ADAMTSL3: variants seen among roughly 807,000 people sequenced by gnomAD.
ADAMTSL3 encodes the protein ADAMTS like 3.
ADAMTSL3 carries 128 observed loss-of-function variants against 201.7 expected under a neutral mutation model. The observed-to-expected ratio is 0.63, with a 90% CI of 0.55 to 0.73. The LOEUF is 0.73. Ranked by LOEUF, ADAMTSL3 falls within the 30% of genes least tolerant of loss-of-function variation. The probability of loss-of-function intolerance (pLI) is 0.00; values close to 1 mark genes in which losing one functional copy is unlikely to be tolerated. For synonymous variants in ADAMTSL3, 738 were observed against 748.4 expected, an observed-to-expected ratio of 0.99 and a Z score of 0.23; for missense variants, 1,990 against 2,119.6, an observed-to-expected ratio of 0.94 and a Z score of 1.20.
chr15:84,015,604 T>A (rs140644859), intron 24 of ADAMTSL3, among the ~76,000 whole-genome samples: 1 of 152,340 alleles, frequency 6.6e-6, no homozygotes, highest in African/African-American at 2.4e-5. Flanking sequence ...TTTGGTGCTC[T>A]CCCTGCTACC....
intron 2 of ADAMTSL3, chr15:83,694,216 TCA>T (rs1322550389): frequency 1.3e-5 from 2 of 152,214 alleles, no homozygotes; most frequent in African/African-American, 2.4e-5. Flanking sequence ...CTGGTAGCTC[TCA>T]CAAACAGCAC....
intron 15 of ADAMTSL3, among the ~76,000 whole-genome samples, chr15:83,900,340 C>A (rs573954074): frequency 8.5e-4 from 129 of 152,124 alleles, no homozygotes; most frequent in Admixed American, 1.4e-3. Context: ...TTTGATGGAT[C>A]TGGATTGTAA....
chr15:83,680,641 A>T (rs2061465932), intron 2 of ADAMTSL3, among the ~76,000 whole-genome samples: 1 of 150,976 alleles, frequency 6.6e-6, no homozygotes, highest in African/African-American at 2.4e-5. Context: ...TGTACTGTTT[A>T]ATCATCTTTT....
chr15:83,907,305 A>G (rs2065857204), intron 15 of ADAMTSL3, among the ~76,000 whole-genome samples: 1 of 152,138 alleles, frequency 6.6e-6, no homozygotes, highest in Admixed American at 6.6e-5. Flanking sequence ...AACACACTCA[A>G]ACCTATATAA....
intron 4 of ADAMTSL3, among the ~76,000 whole-genome samples, chr15:83,793,716 A>G (rs905924449): frequency 3.0e-4 from 46 of 152,052 alleles, no homozygotes; most frequent in Admixed American, 2.8e-3. Flanking sequence ...ACCTCAAGTG[A>G]TCTGCCTGCC....
chr15:83,716,421 G>A (rs2062019541), intron 3 of ADAMTSL3, among the ~76,000 whole-genome samples: 1 of 151,312 alleles, frequency 6.6e-6, no homozygotes, highest in African/African-American at 2.4e-5. Flanking sequence ...GGAGGTTGAG[G>A]TAGAATTGCT....
At chr15:83,907,386 A>G (rs1316636743) in intron 15 of ADAMTSL3, among the ~76,000 whole-genome samples, 3 of 152,032 alleles carry the variant, frequency 2.0e-5, no homozygotes, top group Non-Finnish European at 2.9e-5. Flanking sequence ...ATAAATTGGC[A>G]TTGTTTTGTT....
intron 2 of ADAMTSL3, among the ~76,000 whole-genome samples, chr15:83,676,347 A>G (rs2061404858): frequency 6.6e-6 from 1 of 151,968 alleles, no homozygotes. Context: ...TATGTTCTCA[A>G]TGTTTGTGTC....
At chr15:83,795,636 T>C (rs1287919608) in intron 4 of ADAMTSL3, among the ~76,000 whole-genome samples, 1 of 152,170 alleles carries the variant, frequency 6.6e-6, no homozygotes, top group East Asian at 1.9e-4. Flanking sequence ...AAAAAAAAAT[T>C]CCACGTTGGA....
intron 4 of ADAMTSL3, among the ~76,000 whole-genome samples, chr15:83,797,828 A>G (rs1243125587): frequency 6.6e-6 from 1 of 152,170 alleles, no homozygotes. Context: ...TCAGGTATAT[A>G]TCCCAGAGAA....
At chr15:83,799,545 C>A (rs1213320545) in intron 4 of ADAMTSL3, among the ~76,000 whole-genome samples, 1 of 152,100 alleles carries the variant, frequency 6.6e-6, no homozygotes, top group African/African-American at 2.4e-5. Context: ...ACACATACTT[C>A]TCAGGCTTTA....
chr15:83,729,653 C>G (rs2062234511), intron 3 of ADAMTSL3, among the ~76,000 whole-genome samples: 1 of 151,804 alleles, frequency 6.6e-6, no homozygotes, highest in African/African-American at 2.4e-5. Flanking sequence ...ATTCTGAATT[C>G]CTTCTCTGTA....
At position 83,939,588 on chromosome 15, in the gene ADAMTSL3, A is replaced by G. The variant is rs567745851; in HGVS notation, c.2118-3008A>G. ...TCTCTTTTTTCTCCATATTTTATCAATAATTTATTAATCTTGTTGGTCTTT... is the reference window on the plus strand; with the variant it reads ...TCTCTTTTTTCTCCATATTTTATCAGTAATTTATTAATCTTGTTGGTCTTT... On this transcript the variant is annotated intron_variant, in intron 17 of 29. Transcript: ENST00000286744. Among the ~76,000 whole-genome samples the G allele has an allele frequency of 1.3e-4, 19 of 151,254 alleles. No individual in the cohort carries two copies. The East Asian group carries it at 3.7e-3, about 29-fold the overall frequency.
chr15:83,756,013 G>A (rs984906209), intron 3 of ADAMTSL3, among the ~76,000 whole-genome samples: 7 of 152,158 alleles, frequency 4.6e-5, no homozygotes, highest in African/African-American at 1.7e-4. Context: ...CACCTGCCTT[G>A]GCCTCCCAAA....
In ADAMTSL3 at chr15:83,757,042, G is replaced by A. The variant is rs117871378; in HGVS notation, c.190-16481G>A. ...CCTCTCCTGGCTGCTTTCACAGGCT[G>A]GTATTGAGTGTTTGCAGCTTTTCCA... On this transcript the variant is annotated intron_variant, in intron 3 of 29. Coordinates refer to ENST00000286744, the MANE Select transcript of ADAMTSL3 (RefSeq NM_207517.3). 9.3e-3 allele frequency among the ~76,000 whole-genome samples: 1,412 copies of A among 152,300 alleles called. 9 individuals carry two copies. Among genetic ancestry groups the A allele is most frequent in the Non-Finnish European group, 0.016 (1,078 of 68,036 alleles).
intron 9 of ADAMTSL3, among the ~76,000 whole-genome samples, chr15:83,873,334 A>G (rs1457555552): frequency 6.9e-6 from 1 of 145,452 alleles, no homozygotes; most frequent in African/African-American, 2.6e-5. Context: ...AATAAATAAT[A>G]AAAAGTAAAT....
chr15:83,787,858 C>G (rs2063288963), intron 4 of ADAMTSL3, among the ~76,000 whole-genome samples: 1 of 152,002 alleles, frequency 6.6e-6, no homozygotes, highest in Admixed American at 6.6e-5. Context: ...ACCTCTCCCT[C>G]CAGTCTGTCT....
At chr15:83,923,589 T>G (rs1292042530) in intron 16 of ADAMTSL3, among the ~76,000 whole-genome samples, 3 of 152,188 alleles carry the variant, frequency 2.0e-5, no homozygotes, top group African/African-American at 7.2e-5. Flanking sequence ...TAGCTTTGAG[T>G]ACATTTGGAA....
intron 25 of ADAMTSL3, among the ~76,000 whole-genome samples, chr15:84,018,257 T>C (rs1233234913): frequency 6.6e-6 from 1 of 152,032 alleles, no homozygotes; most frequent in Non-Finnish European, 1.5e-5. Context: ...CACACACACA[T>C]TGTGGAATGT....
Sources: gnomAD v4.1 joint callset for allele counts (sites outside exome capture counted in the v4.1 genomes callset) on GRCh38, gnomAD v4.1.1 for gene constraint, MANE v1.5 for transcripts, NCBI Gene and HGNC (gene_info 2026-07-23, HGNC 2026-07-21) for gene names.